The following QTMAN variants were observed in gnomAD, a reference collection of about 807,000 sequenced individuals.
The protein encoded by QTMAN is tRNA-queuosine alpha-mannosyltransferase.
At chr2:143,980,796 CAA>C in the QTMAN span, among the ~76,000 whole-genome samples, 1 of 152,188 alleles carries the variant, frequency 6.6e-6, no homozygotes, top group African/African-American at 2.4e-5. Flanking sequence ...ATCCAGCTTC[CAA>C]AAGACTGTTA....
At chr2:144,157,474 A>C in the QTMAN span, among the ~76,000 whole-genome samples, 1 of 152,052 alleles carries the variant, frequency 6.6e-6, no homozygotes, top group African/African-American at 2.4e-5. Context: ...CTGCTTGTAC[A>C]TAACAATGGT....
At chr2:144,214,163 T>C in the QTMAN span, among the ~76,000 whole-genome samples, 2 of 152,136 alleles carry the variant, frequency 1.3e-5, no homozygotes, top group Non-Finnish European at 2.9e-5. Context: ...GAAGTAAAAA[T>C]ACATTTTGCT....
the QTMAN span, chr2:144,145,499 A>G: frequency 9.1e-7 from 1 of 1,096,542 alleles, no homozygotes; most frequent in Non-Finnish European, 1.3e-6. Flanking sequence ...GTAGGTCTCC[A>G]GATTTAAAAC....
At chr2:144,284,537 T>C in the QTMAN span, among the ~76,000 whole-genome samples, 3 of 152,116 alleles carry the variant, frequency 2.0e-5, no homozygotes, top group Non-Finnish European at 4.4e-5. Context: ...AGTAATGGAA[T>C]CATGGTGATT....
the QTMAN span, among the ~76,000 whole-genome samples, chr2:144,300,820 G>A: frequency 1.2e-3 from 184 of 152,204 alleles, 1 homozygote; most frequent in African/African-American, 4.1e-3. Flanking sequence ...AACTCAAAAC[G>A]AGAAAATGGT....
chr2:144,064,269 A>T, the QTMAN span, among the ~76,000 whole-genome samples: 3 of 152,240 alleles, frequency 2.0e-5, no homozygotes, highest in Non-Finnish European at 4.4e-5. Flanking sequence ...AAATGGTGGA[A>T]GCATTCGATT....
the QTMAN span, among the ~76,000 whole-genome samples, chr2:144,144,328 T>A: frequency 6.6e-6 from 1 of 151,860 alleles, no homozygotes; most frequent in African/African-American, 2.4e-5. Flanking sequence ...CTCCCTGATA[T>A]GAGTGGATGT....
At chr2:144,103,876 G>C in the QTMAN span, among the ~76,000 whole-genome samples, 1 of 152,054 alleles carries the variant, frequency 6.6e-6, no homozygotes, top group Non-Finnish European at 1.5e-5. Context: ...GATCACTTGA[G>C]GTCAGGAGCT....
chr2:143,967,860 C>A, the QTMAN span, among the ~76,000 whole-genome samples: 2 of 152,068 alleles, frequency 1.3e-5, no homozygotes, highest in Non-Finnish European at 2.9e-5. Context: ...ATTTGTTTCT[C>A]CACCTGGGAA....
chr2:144,214,581 A>C, the QTMAN span, among the ~76,000 whole-genome samples: 1 of 152,192 alleles, frequency 6.6e-6, no homozygotes, highest in Non-Finnish European at 1.5e-5. Context: ...TATGTACTTA[A>C]ATAGCAACAT....
At chr2:144,263,914 T>C in the QTMAN span, among the ~76,000 whole-genome samples, 1 of 152,000 alleles carries the variant, frequency 6.6e-6, no homozygotes, top group Non-Finnish European at 1.5e-5. Flanking sequence ...GACAGATACA[T>C]GACAATTAAT....
chr2:144,175,055 C>T, the QTMAN span, among the ~76,000 whole-genome samples: 5 of 152,006 alleles, frequency 3.3e-5, no homozygotes, highest in Non-Finnish European at 7.4e-5. Context: ...GTAGACTTAC[C>T]TATGGCATTA....
the QTMAN span, among the ~76,000 whole-genome samples, chr2:144,075,704 T>C: frequency 1.3e-5 from 2 of 152,196 alleles, no homozygotes; most frequent in Non-Finnish European, 2.9e-5. Flanking sequence ...GCCAAAACTG[T>C]TGATGTGTTT....
chr2:144,219,067 G>C, the QTMAN span, among the ~76,000 whole-genome samples: 1 of 152,078 alleles, frequency 6.6e-6, no homozygotes, highest in Admixed American at 6.5e-5. Context: ...AGACACATTT[G>C]ATGTTTTTAA....
At chr2:144,084,181 A>G in the QTMAN span, among the ~76,000 whole-genome samples, 1 of 152,200 alleles carries the variant, frequency 6.6e-6, no homozygotes, top group African/African-American at 2.4e-5. Context: ...TTGATCTTCT[A>G]ACATTCCTGA....
chr2:144,100,138 T>C, the QTMAN span, among the ~76,000 whole-genome samples: 1 of 152,212 alleles, frequency 6.6e-6, no homozygotes, highest in Admixed American at 6.5e-5. Flanking sequence ...CATGATCACA[T>C]AATAACTGGC....
the QTMAN span, among the ~76,000 whole-genome samples, chr2:144,179,494 G>A: frequency 0.01 from 1,538 of 152,142 alleles, 16 homozygotes; most frequent in Non-Finnish European, 0.017. Context: ...TTTCAACACC[G>A]AGTGCATGAT....
the QTMAN span, among the ~76,000 whole-genome samples, chr2:144,312,453 C>T: frequency 7.9e-5 from 12 of 152,192 alleles, no homozygotes; most frequent in African/African-American, 2.7e-4. Context: ...ACCATGACCA[C>T]TTGCACGACA....
At chr2:144,246,254 A>G in the QTMAN span, among the ~76,000 whole-genome samples, 16 of 152,234 alleles carry the variant, frequency 1.1e-4, no homozygotes, top group Admixed American at 6.5e-4. Context: ...ATAGCTGATG[A>G]TAGCTAGGTG....
Sources: allele counts gnomAD v4.1 joint callset (sites outside exome capture counted in the v4.1 genomes callset), GRCh38; gene constraint gnomAD v4.1.1; transcripts MANE v1.5; gene names NCBI Gene and HGNC (gene_info 2026-07-23, HGNC 2026-07-21).